ITPR2: variants seen among roughly 807,000 people sequenced by gnomAD.
ITPR2 encodes the protein inositol 1,4,5-trisphosphate-gated calcium channel ITPR2.
In ITPR2, 207 loss-of-function variants were observed where a neutral mutation model predicts 317.1. The ratio of observed to expected loss-of-function variants is 0.65; its 90% CI spans 0.58 to 0.73. The LOEUF is 0.73. Ranked by LOEUF, ITPR2 falls within the 30% of genes least tolerant of loss-of-function variation. The probability of loss-of-function intolerance (pLI) is 0.00; values close to 1 mark genes in which losing one functional copy is unlikely to be tolerated. For missense variants in ITPR2, 2,613 were observed against 3,284.0 expected, an observed-to-expected ratio of 0.80 and a Z score of 4.99; for synonymous variants, 1,156 against 1,149.1, an observed-to-expected ratio of 1.01 and a Z score of -0.12.
At chr12:26,733,228 CGTT>C (rs1949054998) in intron 2 of ITPR2, among the ~76,000 whole-genome samples, 1 of 150,388 alleles carries the variant, frequency 6.6e-6, no homozygotes, top group South Asian at 2.1e-4. Context: ...GCAGCAGAAT[CGTT>C]TGAAACCAGG....
At chr12:26,414,720 C>T (rs1327740951) in intron 51 of ITPR2, among the ~76,000 whole-genome samples, 1 of 152,090 alleles carries the variant, frequency 6.6e-6, no homozygotes, top group African/African-American at 2.4e-5. Flanking sequence ...GGTGCCTAAC[C>T]AGTCACGACA....
chr12:26,698,193 T>A (rs1948385621), intron 9 of ITPR2, among the ~76,000 whole-genome samples: 1 of 152,184 alleles, frequency 6.6e-6, no homozygotes. Context: ...GGTTACTCTA[T>A]CCATTGAAAT....
intron 52 of ITPR2, among the ~76,000 whole-genome samples, chr12:26,401,449 T>C (rs377422925): frequency 1.3e-5 from 2 of 152,132 alleles, no homozygotes; most frequent in South Asian, 2.1e-4. Context: ...GAAAAAGACA[T>C]AATGTGACAG....
intron 20 of ITPR2, among the ~76,000 whole-genome samples, chr12:26,654,531 C>T (rs866731770): frequency 3.3e-5 from 5 of 152,184 alleles, no homozygotes; most frequent in Admixed American, 6.5e-5. Flanking sequence ...TCTTGTGGAT[C>T]GCACAGGACA....
chr12:26,675,497 A>G (rs994631867), intron 13 of ITPR2, among the ~76,000 whole-genome samples: 1 of 152,052 alleles, frequency 6.6e-6, no homozygotes, highest in African/African-American at 2.4e-5. Flanking sequence ...ATTGAACAAT[A>G]AGAACATATG....
rs968362436 is a variant in ITPR2, at chr12:26,833,111, C to T, written c.-330G>A. ...TCCAACACCTTTGCTCCTCCTCCTCCTCCTTCCCTCTCCGCTCCCCACTCC... is the reference window on the plus strand; with the variant it reads ...TCCAACACCTTTGCTCCTCCTCCTCTTCCTTCCCTCTCCGCTCCCCACTCC... On this transcript the variant is annotated 5_prime_UTR_variant, in exon 1 of 57. Transcript: ENST00000381340. 3.6e-6 allele frequency: 1 copy of T among 281,092 alleles called. No individual in the cohort carries two copies. The highest frequency in any genetic ancestry group is 2.3e-5 in the African/African-American group (1 of 43,588). 17.4% of individuals were successfully genotyped at this position (281,092 alleles called of 1,614,324 possible). A position where few individuals can be genotyped will look rare whatever the true frequency, so the allele number is the denominator to read the frequency against.
At chr12:26,499,595 G>T (rs970016127) in intron 37 of ITPR2, among the ~76,000 whole-genome samples, 2 of 152,130 alleles carry the variant, frequency 1.3e-5, no homozygotes, top group Admixed American at 6.5e-5. Flanking sequence ...CATAGTAAGT[G>T]CTATAAAAGT....
At chr12:26,639,389 A>C (rs866690842) in intron 21 of ITPR2, among the ~76,000 whole-genome samples, 1 of 152,180 alleles carries the variant, frequency 6.6e-6, no homozygotes, top group Admixed American at 6.5e-5. Context: ...CTATGTGACC[A>C]TTTGTAATGG....
chr12:26,407,621 T>A (rs932650976), intron 52 of ITPR2, among the ~76,000 whole-genome samples: 3 of 152,300 alleles, frequency 2.0e-5, no homozygotes, highest in Middle Eastern at 3.4e-3. Flanking sequence ...CTCAGTGAAA[T>A]GAAATGATCT....
At chr12:26,772,246 C>T (rs77614925) in intron 2 of ITPR2, among the ~76,000 whole-genome samples, 2 of 151,544 alleles carry the variant, frequency 1.3e-5, no homozygotes, top group East Asian at 1.9e-4. Context: ...TCCTTCCCTA[C>T]AGGCACAAAT....
chr12:26,457,018 A>G (rs1941905358), intron 45 of ITPR2, among the ~76,000 whole-genome samples: 1 of 152,212 alleles, frequency 6.6e-6, no homozygotes, highest in Non-Finnish European at 1.5e-5. Context: ...TGTATACCAA[A>G]TAATGCTCTA....
rs369524603 is a variant in ITPR2, at chr12:26,663,636, G to A, written c.1713+49C>T. ...TGTAGAATTATAACCAAAGAACCTT[G>A]CCCATACTTTACATATGAAACAGTT... On this transcript the variant is annotated intron_variant, in intron 15 of 56. Coordinates refer to ENST00000381340, the MANE Select transcript of ITPR2 (RefSeq NM_002223.4). The A allele has an allele frequency of 6.6e-4, 983 of 1,500,430 alleles. 3 individuals are homozygous for A. The highest frequency in any genetic ancestry group is 8.3e-4 in the Non-Finnish European group (920 of 1,111,522). The allele number at this position is 1,500,430 out of a possible 1,614,324, so 92.9% of individuals were successfully genotyped here.
rs1949230222 is a variant in ITPR2, at chr12:26,741,631, T to C, written c.164-15866A>G. 2.0e-5 allele frequency among the ~76,000 whole-genome samples: 3 copies of C among 152,202 alleles called. No homozygotes were observed. The South Asian group carries it at 6.2e-4, about 32-fold the overall frequency. ...ACGAGCCTACAGCGGATGGGATTCATGGAGGTCGACAAATCCCCTGAACGT... is the reference window on the plus strand; with the variant it reads ...ACGAGCCTACAGCGGATGGGATTCACGGAGGTCGACAAATCCCCTGAACGT... On this transcript the variant is annotated intron_variant, in intron 2 of 56. Coordinates refer to ENST00000381340, the MANE Select transcript of ITPR2 (RefSeq NM_002223.4).
At chr12:26,361,632 A>C (rs1463705433) in intron 55 of ITPR2, among the ~76,000 whole-genome samples, 1 of 152,236 alleles carries the variant, frequency 6.6e-6, no homozygotes, top group Non-Finnish European at 1.5e-5. Flanking sequence ...AGTTTACAAA[A>C]TCCATGAAAA....
intron 1 of ITPR2, among the ~76,000 whole-genome samples, chr12:26,822,720 T>C (rs1950955195): frequency 1.3e-5 from 2 of 152,246 alleles, no homozygotes; most frequent in South Asian, 4.1e-4. Context: ...GCCAAGTTTC[T>C]TCCTGACTGG....
intron 2 of ITPR2, among the ~76,000 whole-genome samples, chr12:26,742,134 A>G (rs1440424750): frequency 1.3e-5 from 2 of 152,228 alleles, no homozygotes; most frequent in East Asian, 1.9e-4. Flanking sequence ...CAGCAATTCC[A>G]TGGCCAGGTA....
chr12:26,641,057 G>A (rs1051767073), intron 21 of ITPR2, among the ~76,000 whole-genome samples: 3 of 152,118 alleles, frequency 2.0e-5, no homozygotes, highest in South Asian at 2.1e-4. Context: ...AGATCCTTAC[G>A]TTGGAATGTG....
rs117012158 is a variant in ITPR2, at chr12:26,644,940, G to C, written c.2740+9036C>G. 6.6e-5 allele frequency among the ~76,000 whole-genome samples: 10 copies of C among 152,214 alleles called. No homozygotes were observed. In the South Asian group the frequency reaches 1.9e-3, roughly 28 times the overall value. ...GTCTGAAGACAGGTACTTCAAGCAC[G>C]GTCACTCACCCATTCCAGAGCTGCC... On this transcript the variant is annotated intron_variant, in intron 21 of 56. Transcript: ENST00000381340.
intron 37 of ITPR2, among the ~76,000 whole-genome samples, chr12:26,502,189 C>A (rs981158640): frequency 6.6e-6 from 1 of 152,168 alleles, no homozygotes; most frequent in Non-Finnish European, 1.5e-5. Context: ...ACATGAAACC[C>A]AACAGACCCT....
Sources: allele counts gnomAD v4.1 joint callset (sites outside exome capture counted in the v4.1 genomes callset), GRCh38; gene constraint gnomAD v4.1.1; transcripts MANE v1.5; gene names NCBI Gene and HGNC (gene_info 2026-07-23, HGNC 2026-07-21).